The following IQCM variants were observed in gnomAD, a reference collection of about 807,000 sequenced individuals.
IQCM encodes IQ motif containing M.
A neutral mutation model predicts 57.6 loss-of-function variants in IQCM; 45 were observed. That is an observed-to-expected ratio of 0.78 (90% CI 0.62 to 1.00). The LOEUF (loss-of-function observed/expected upper bound fraction) is 1.00, where lower values mean the gene tolerates loss of function less well. IQCM is among the 50% of genes least tolerant of loss of function. The probability of loss-of-function intolerance (pLI) is 0.00; values close to 1 mark genes in which losing one functional copy is unlikely to be tolerated. For synonymous variants in IQCM, 148 were observed against 158.9 expected, an observed-to-expected ratio of 0.93 and a Z score of 0.51; for missense variants, 468 against 511.6, an observed-to-expected ratio of 0.91 and a Z score of 0.82.
rs555046136 is a variant in IQCM, at chr4:149,421,464, C to G, written c.1390+11932G>C. Among the ~76,000 whole-genome samples, 5 of 152,016 alleles carry G rather than the reference C, an allele frequency of 3.3e-5. No individual in the cohort carries two copies. The South Asian group carries it at 8.3e-4, about 25-fold the overall frequency. ...CATCCATAAATAAAATAAATATGGT[C>G]AAAATTGTTAGAGAACATCTATTAT... On this transcript the variant is annotated intron_variant, in intron 13 of 13. Coordinates refer to ENST00000636793, the MANE Select transcript of IQCM (RefSeq NM_001363507.2).
Position 149,553,180 on chromosome 4 carries a change from G to T in IQCM, c.1056C>A (p.Asn352Lys), listed in dbSNP as rs1336432940. The T allele has an allele frequency of 8.1e-7, 1 of 1,231,856 alleles. No individual in the cohort carries two copies. Among genetic ancestry groups the T allele is most frequent in the African/African-American group, 1.6e-5 (1 of 64,404 alleles). The allele number at this position is 1,231,856 out of a possible 1,614,324, so 76.3% of individuals were successfully genotyped here. The change falls in exon 11 of 14, where the codon AAC (asparagine) becomes AAA (lysine). Residue 352 changes from asparagine to lysine, a missense_variant. Asn to Lys is a moderately conservative substitution (Grantham distance 94). Coordinates refer to ENST00000636793, the MANE Select transcript of IQCM (RefSeq NM_001363507.2). Reference sequence around the variant, plus strand: ...CCATCCACTCCTCTAGCTCTGCTAAGTTGAGAATTTGTCTTGTCCTCCAAA... The same window carrying T: ...CCATCCACTCCTCTAGCTCTGCTAATTTGAGAATTTGTCTTGTCCTCCAAA... ...RGLWRTRQIL[N>K]LAELEEWMDR...
intron 6 of IQCM, among the ~76,000 whole-genome samples, chr4:149,685,116 T>C (rs896009279): frequency 4.0e-5 from 6 of 151,540 alleles, no homozygotes; most frequent in Non-Finnish European, 7.4e-5. Context: ...TTATACCTGA[T>C]CAGATTTATT....
intron 13 of IQCM, among the ~76,000 whole-genome samples, chr4:149,385,401 A>C (rs1731351446): frequency 6.6e-6 from 1 of 152,078 alleles, no homozygotes; most frequent in Admixed American, 6.6e-5. Flanking sequence ...GACAATTGTA[A>C]TAGGGTAAGT....
intron 13 of IQCM, chr4:149,429,981 A>G (rs1021785433): frequency 8.2e-7 from 1 of 1,226,396 alleles, no homozygotes; most frequent in African/African-American, 1.6e-5. Flanking sequence ...ACTCTAAACA[A>G]CAAACACAAA....
intron 13 of IQCM, among the ~76,000 whole-genome samples, chr4:149,370,967 T>A (rs59501220): frequency 4.1e-4 from 62 of 151,938 alleles, no homozygotes; most frequent in Non-Finnish European, 8.4e-4. Context: ...CCTGCCTTCT[T>A]ACCCTTCCCT....
At chr4:149,373,844 A>G (rs1400092322) in intron 13 of IQCM, among the ~76,000 whole-genome samples, 1 of 152,050 alleles carries the variant, frequency 6.6e-6, no homozygotes, top group Admixed American at 6.6e-5. Flanking sequence ...ATGGAACTCA[A>G]ATTCTGGATG....
chr4:149,598,797 T>C (rs1331859623), intron 8 of IQCM, among the ~76,000 whole-genome samples: 1 of 152,226 alleles, frequency 6.6e-6, no homozygotes, highest in African/African-American at 2.4e-5. Flanking sequence ...CTTCTGGAAG[T>C]GGAAAGCTGT....
chr4:149,584,044 C>G (rs1376751107), intron 9 of IQCM, among the ~76,000 whole-genome samples: 1 of 151,310 alleles, frequency 6.6e-6, no homozygotes, highest in Non-Finnish European at 1.5e-5. Context: ...TTTATTTAAA[C>G]TAAAAATTAA....
chr4:149,514,272 G>A (rs1189026863), intron 12 of IQCM, among the ~76,000 whole-genome samples: 1 of 152,124 alleles, frequency 6.6e-6, no homozygotes, highest in Non-Finnish European at 1.5e-5. Flanking sequence ...GAAAATTTGA[G>A]ATCTGCTGAA....
At chr4:149,740,749 C>A (rs1054032440) in intron 3 of IQCM, among the ~76,000 whole-genome samples, 2 of 151,998 alleles carry the variant, frequency 1.3e-5, no homozygotes, top group Admixed American at 6.6e-5. Flanking sequence ...TGCAGAATTT[C>A]TTTGCTGAAA....
intron 13 of IQCM, among the ~76,000 whole-genome samples, chr4:149,395,039 G>C (rs529054476): frequency 6.6e-6 from 1 of 152,078 alleles, no homozygotes; most frequent in South Asian, 2.1e-4. Flanking sequence ...ATAAAACCTA[G>C]CTAAGGGAAT....
chr4:149,396,430 C>T (rs1732234490), intron 13 of IQCM, among the ~76,000 whole-genome samples: 1 of 151,344 alleles, frequency 6.6e-6, no homozygotes, highest in African/African-American at 2.4e-5. Context: ...CAGAAATTAC[C>T]AGGACACAAT....
chr4:149,806,670 T>A (rs185071734), intron 2 of IQCM, among the ~76,000 whole-genome samples: 1 of 152,062 alleles, frequency 6.6e-6, no homozygotes, highest in East Asian at 1.9e-4. Flanking sequence ...TAGCTGGAAA[T>A]TTTTAATAAA....
chr4:149,778,239 G>A (rs1210707443), intron 2 of IQCM, among the ~76,000 whole-genome samples: 1 of 152,144 alleles, frequency 6.6e-6, no homozygotes, highest in African/African-American at 2.4e-5. Context: ...AGCCAGGCGT[G>A]GTCGCAGGCG....
At chr4:149,536,076 C>T (rs934702574) in intron 12 of IQCM, among the ~76,000 whole-genome samples, 6 of 152,040 alleles carry the variant, frequency 3.9e-5, no homozygotes, top group Non-Finnish European at 5.9e-5. Flanking sequence ...TTCAGGGTTG[C>T]TCTTTGCCCT....
rs919194977 is a variant in IQCM at position 149,394,087 on chromosome 4, A to C, written c.1390+39309T>G. ...TATTGCTCTTAGCATGTCCAATGCC[A>C]TACTTACTTCAATTTATTTAAACAT... On this transcript the variant is annotated intron_variant, in intron 13 of 13. Transcript: ENST00000636793. Among the ~76,000 whole-genome samples, 8 of 152,122 alleles carry C rather than the reference A, an allele frequency of 5.3e-5. No individual in the cohort carries two copies. In the South Asian group the frequency reaches 1.7e-3, roughly 32 times the overall value.
intron 7 of IQCM, among the ~76,000 whole-genome samples, chr4:149,663,880 C>T (rs60193613): frequency 0.16 from 24,563 of 152,036 alleles, 2,358 homozygotes; most frequent in South Asian, 0.34. Flanking sequence ...TTTCCCTAGA[C>T]TTGGGAAGGT....
At chr4:149,385,405 G>C (rs1731352346) in intron 13 of IQCM, among the ~76,000 whole-genome samples, 1 of 151,996 alleles carries the variant, frequency 6.6e-6, no homozygotes, top group Non-Finnish European at 1.5e-5. Context: ...ATTGTAATAG[G>C]GTAAGTTGAC....
At chr4:149,696,388 T>TATCA (rs1372854344) in intron 5 of IQCM, among the ~76,000 whole-genome samples, 1 of 152,172 alleles carries the variant, frequency 6.6e-6, no homozygotes, top group Non-Finnish European at 1.5e-5. Context: ...CTCCCTCTTC[T>TATCA]ATCAGACCTC....
Sources: allele counts gnomAD v4.1 joint callset (sites outside exome capture counted in the v4.1 genomes callset), GRCh38; gene constraint gnomAD v4.1.1; transcripts MANE v1.5; gene names NCBI Gene and HGNC (gene_info 2026-07-23, HGNC 2026-07-21).